Variants in ELOVL4 observed in about 807,000 individuals in gnomAD.
ELOVL4 encodes very long chain fatty acid elongase 4.
In ELOVL4, 18 loss-of-function variants were observed where a neutral mutation model predicts 42.1. The observed-to-expected ratio is 0.43, with a 90% CI of 0.30 to 0.63. The LOEUF is 0.63. ELOVL4 is among the 30% of genes least tolerant of loss of function. The pLI is 0.15. For synonymous variants in ELOVL4, 117 were observed against 127.0 expected, an observed-to-expected ratio of 0.92 and a Z score of 0.53; for missense variants, 299 against 376.2, an observed-to-expected ratio of 0.79 and a Z score of 1.70.
chr6:79,921,961 T>C (rs1056700547), intron 3 of ELOVL4, among the ~76,000 whole-genome samples, 165 bp from the exon 4 acceptor site: 6 of 152,088 alleles, frequency 3.9e-5, no homozygotes, highest in African/African-American at 1.4e-4. Context: ...CATCTCTCCA[T>C]GGGGAAAAAT....
rs1028020380 is a variant in ELOVL4, at chr6:79,915,077, T to A, written c.*1531A>T. ...AAATATGTTATAGCTTACAAAATATTCTGAAATAGTTTGTACAAACAGCAT... is the reference window on the plus strand; with the variant it reads ...AAATATGTTATAGCTTACAAAATATACTGAAATAGTTTGTACAAACAGCAT... On this transcript the variant is annotated 3_prime_UTR_variant, in exon 6 of 6. Coordinates refer to ENST00000369816, the MANE Select transcript of ELOVL4 (RefSeq NM_022726.4). 1.3e-5 allele frequency: 2 copies of A among 152,618 alleles called. No individual in the cohort carries two copies. Among genetic ancestry groups the A allele is most frequent in the Non-Finnish European group, 2.9e-5 (2 of 68,020 alleles). 9.5% of individuals were successfully genotyped at this position (152,618 alleles called of 1,614,324 possible). A position where few individuals can be genotyped will look rare whatever the true frequency, so the allele number is the denominator to read the frequency against.
intron 1 of ELOVL4, among the ~76,000 whole-genome samples, chr6:79,929,878 T>G (rs1774414549): frequency 2.0e-5 from 3 of 152,214 alleles, no homozygotes; most frequent in Admixed American, 6.5e-5. Context: ...GCTGGGTGTT[T>G]CATTCTTGTA....
At chr6:79,941,876 G>C (rs531405062) in intron 1 of ELOVL4, among the ~76,000 whole-genome samples, 40 of 152,268 alleles carry the variant, frequency 2.6e-4, no homozygotes, top group African/African-American at 9.1e-4. Context: ...AGATACAAAG[G>C]AGTGAAGTGG....
intron 1 of ELOVL4, among the ~76,000 whole-genome samples, chr6:79,932,129 A>G (rs557302420): frequency 6.6e-6 from 1 of 152,380 alleles, no homozygotes; most frequent in South Asian, 2.1e-4. Context: ...TTCAGCAATC[A>G]TACAATTTTA....
At chr6:79,941,899 A>G (rs149829732) in intron 1 of ELOVL4, among the ~76,000 whole-genome samples, 2,495 of 152,320 alleles carry the variant, frequency 0.016, 29 homozygotes, top group South Asian at 0.038. Flanking sequence ...AATAATAACG[A>G]AAGTTTAAAC....
intron 2 of ELOVL4, 47 bp from the exon 3 acceptor site, chr6:79,925,079 G>T: frequency 8.2e-7 from 1 of 1,221,616 alleles, no homozygotes; most frequent in Non-Finnish European, 1.2e-6. Context: ...AGTAAACACA[G>T]CATTAAAAAC....
intron 3 of ELOVL4, among the ~76,000 whole-genome samples, chr6:79,922,377 GAACA>G (rs1582045999): frequency 1.3e-5 from 2 of 152,104 alleles, no homozygotes; most frequent in East Asian, 1.9e-4. Context: ...AAATTGGAAT[GAACA>G]AACAAATATT....
At chr6:79,933,589 GAT>G (rs762366581) in intron 1 of ELOVL4, among the ~76,000 whole-genome samples, 57 of 152,206 alleles carry the variant, frequency 3.7e-4, no homozygotes, top group Non-Finnish European at 6.9e-4. Context: ...AGGGGAAGGG[GAT>G]ATGTCAAGAG....
chr6:79,933,063 G>C (rs183462436), intron 1 of ELOVL4, among the ~76,000 whole-genome samples: 160 of 152,122 alleles, frequency 1.1e-3, no homozygotes, highest in African/African-American at 3.8e-3. Flanking sequence ...CCAGAAGCAA[G>C]AAATAAAACA....
chr6:79,935,361 A>G (rs892569714), intron 1 of ELOVL4, among the ~76,000 whole-genome samples: 3 of 152,130 alleles, frequency 2.0e-5, no homozygotes, highest in African/African-American at 7.2e-5. Context: ...TAATCTCCCA[A>G]AAGAAAAAAC....
chr6:79,939,039 T>G (rs1369121690), intron 1 of ELOVL4, among the ~76,000 whole-genome samples: 2 of 152,148 alleles, frequency 1.3e-5, no homozygotes, highest in Non-Finnish European at 2.9e-5. Flanking sequence ...TCTCCCAGAG[T>G]TATTGTGAAG....
chr6:79,931,007 C>A (rs1330635766), intron 1 of ELOVL4, among the ~76,000 whole-genome samples: 1 of 152,088 alleles, frequency 6.6e-6, no homozygotes, highest in African/African-American at 2.4e-5. Context: ...CAACTGAAGT[C>A]AAACCCTGTC....
intron 1 of ELOVL4, among the ~76,000 whole-genome samples, chr6:79,946,504 C>T (rs1162095140): frequency 3.3e-5 from 5 of 152,080 alleles, no homozygotes; most frequent in Non-Finnish European, 5.9e-5. Context: ...GGTGTTTTGG[C>T]CTCCCCCTCC....
chr6:79,939,714 A>C (rs1774610854), intron 1 of ELOVL4, among the ~76,000 whole-genome samples: 1 of 151,724 alleles, frequency 6.6e-6, no homozygotes, highest in Non-Finnish European at 1.5e-5. Context: ...TTTGTTGCTC[A>C]TGTTGGTCTT....
intron 5 of ELOVL4, among the ~76,000 whole-genome samples, chr6:79,918,639 T>C (rs78531525): frequency 0.033 from 5,016 of 152,300 alleles, 117 homozygotes; most frequent in Middle Eastern, 0.061. Context: ...ACTGATAAAA[T>C]TGTGCACATG....
At chr6:79,927,298 T>G (rs1369507319) in intron 1 of ELOVL4, among the ~76,000 whole-genome samples, 3 of 152,110 alleles carry the variant, frequency 2.0e-5, no homozygotes, top group Non-Finnish European at 4.4e-5. Flanking sequence ...AAACAACAGT[T>G]GAAGGTTGCA....
At chr6:79,945,633 A>G (rs1357125117) in intron 1 of ELOVL4, among the ~76,000 whole-genome samples, 1 of 152,112 alleles carries the variant, frequency 6.6e-6, no homozygotes, top group African/African-American at 2.4e-5. Flanking sequence ...GCGAAGTGCA[A>G]TTACCTGCTA....
chr6:79,933,329 T>C (rs2127700786), intron 1 of ELOVL4, among the ~76,000 whole-genome samples: 1 of 152,232 alleles, frequency 6.6e-6, no homozygotes, highest in South Asian at 2.1e-4. Context: ...CTCCAGGGCG[T>C]AAGCGATTTT....
chr6:79,931,427 T>C (rs559187528), intron 1 of ELOVL4, among the ~76,000 whole-genome samples: 10 of 152,296 alleles, frequency 6.6e-5, no homozygotes, highest in Non-Finnish European at 1.3e-4. Flanking sequence ...TTGTAGGCAC[T>C]ACTCAATCAC....
Sources: allele counts gnomAD v4.1 joint callset (sites outside exome capture counted in the v4.1 genomes callset), GRCh38; gene constraint gnomAD v4.1.1; transcripts MANE v1.5; gene names NCBI Gene and HGNC (gene_info 2026-07-23, HGNC 2026-07-21).